SLC16A7: variants seen among roughly 807,000 people sequenced by gnomAD.
SLC16A7 encodes solute carrier family 16 member 7.
A neutral mutation model predicts 34.9 loss-of-function variants in SLC16A7; 33 were observed. The observed-to-expected ratio is 0.94, with a 90% CI of 0.72 to 1.26. The LOEUF (loss-of-function observed/expected upper bound fraction) is 1.26, where lower values mean the gene tolerates loss of function less well. Ranked by LOEUF, SLC16A7 falls within the 50% of genes most tolerant of loss-of-function variation. The probability of loss-of-function intolerance (pLI) is 0.00; values close to 1 mark genes in which losing one functional copy is unlikely to be tolerated. For synonymous variants in SLC16A7, 201 were observed against 206.6 expected, an observed-to-expected ratio of 0.97 and a Z score of 0.23; for missense variants, 573 against 578.1, an observed-to-expected ratio of 0.99 and a Z score of 0.09.
At chr12:59,737,726 C>A (rs1461390241) in intron 3 of SLC16A7, among the ~76,000 whole-genome samples, 1 of 152,164 alleles carries the variant, frequency 6.6e-6, no homozygotes, top group Non-Finnish European at 1.5e-5. Flanking sequence ...CCCTGTTACA[C>A]AATTTTCCCT....
intron 2 of SLC16A7, among the ~76,000 whole-genome samples, chr12:59,655,468 T>A (rs1454101716): frequency 6.6e-6 from 1 of 151,908 alleles, no homozygotes; most frequent in African/African-American, 2.4e-5. Flanking sequence ...AGACTAAGTC[T>A]CAGTTTCTCT....
intron 2 of SLC16A7, among the ~76,000 whole-genome samples, chr12:59,671,250 A>G (rs1337045070): frequency 1.3e-5 from 2 of 152,178 alleles, no homozygotes; most frequent in African/African-American, 2.4e-5. Flanking sequence ...AGAAAACCAC[A>G]TGCTTTATTT....
At chr12:59,651,135 G>A (rs957212111) in intron 1 of SLC16A7, among the ~76,000 whole-genome samples, 13 of 152,062 alleles carry the variant, frequency 8.5e-5, no homozygotes, top group African/African-American at 2.2e-4. Context: ...GCTCCTCTTC[G>A]TGGTTAATTT....
chr12:59,612,367 A>G (rs1879237681), intron 1 of SLC16A7, among the ~76,000 whole-genome samples: 2 of 152,160 alleles, frequency 1.3e-5, no homozygotes, highest in South Asian at 2.1e-4. Flanking sequence ...AGCTGAAGCA[A>G]CTGACACACA....
intron 1 of SLC16A7, among the ~76,000 whole-genome samples, chr12:59,618,597 G>C (rs1017200276): frequency 1.1e-4 from 17 of 152,030 alleles, no homozygotes; most frequent in Admixed American, 1.1e-3. Flanking sequence ...ACTAATTCTT[G>C]TAAAGTAGAA....
At chr12:59,613,816 A>G (rs1373738264) in intron 1 of SLC16A7, among the ~76,000 whole-genome samples, 1 of 152,208 alleles carries the variant, frequency 6.6e-6, no homozygotes, top group Non-Finnish European at 1.5e-5. Flanking sequence ...TACCAAAGCT[A>G]AGAGTCTATG....
intron 2 of SLC16A7, among the ~76,000 whole-genome samples, chr12:59,671,759 ATATG>A (rs1455395062): frequency 7.0e-6 from 1 of 143,652 alleles, no homozygotes; most frequent in Non-Finnish European, 1.5e-5. Flanking sequence ...TATAATGTGT[ATATG>A]TATATATGTG....
At chr12:59,705,536 T>C (rs1008425249) in intron 3 of SLC16A7, among the ~76,000 whole-genome samples, 2 of 152,198 alleles carry the variant, frequency 1.3e-5, no homozygotes, top group Admixed American at 6.6e-5. Context: ...GCTCATTAAA[T>C]AGGACATCTT....
At chr12:59,631,358 G>A (rs1231397442) in intron 1 of SLC16A7, among the ~76,000 whole-genome samples, 1 of 151,924 alleles carries the variant, frequency 6.6e-6, no homozygotes, top group East Asian at 1.9e-4. Flanking sequence ...ACTTGGAACA[G>A]ATGGAGATAT....
chr12:59,615,912 G>C (rs1456784197), intron 1 of SLC16A7, among the ~76,000 whole-genome samples: 1 of 152,212 alleles, frequency 6.6e-6, no homozygotes, highest in Non-Finnish European at 1.5e-5. Flanking sequence ...CCTGGTTCCT[G>C]CTCCATCACT....
chr12:59,757,124 G>A (rs557215057), intron 3 of SLC16A7, among the ~76,000 whole-genome samples: 1 of 107,322 alleles, frequency 9.3e-6, no homozygotes, highest in African/African-American at 3.6e-5. Flanking sequence ...GGGGAGGGGG[G>A]AGGGATAGCT....
intron 3 of SLC16A7, among the ~76,000 whole-genome samples, chr12:59,706,068 C>T (rs1873532543): frequency 6.6e-6 from 1 of 152,064 alleles, no homozygotes; most frequent in South Asian, 2.1e-4. Flanking sequence ...GAAATATATA[C>T]AATAGCTCTC....
At chr12:59,658,716 A>G (rs1214249808) in intron 2 of SLC16A7, among the ~76,000 whole-genome samples, 1 of 151,956 alleles carries the variant, frequency 6.6e-6, no homozygotes, top group African/African-American at 2.4e-5. Context: ...TACATAGACT[A>G]TGGATTGTGT....
chr12:59,676,430 A>AT (rs112098515), intron 2 of SLC16A7, among the ~76,000 whole-genome samples: 5 of 151,156 alleles, frequency 3.3e-5, no homozygotes, highest in Admixed American at 6.6e-5. Context: ...GTAGCTCCTG[A>AT]TTTTTTTTTA....
intron 3 of SLC16A7, among the ~76,000 whole-genome samples, chr12:59,751,540 G>C (rs1238234241): frequency 6.6e-6 from 1 of 152,226 alleles, no homozygotes; most frequent in Non-Finnish European, 1.5e-5. Context: ...AGGCGGCAGC[G>C]AGGCTGGGGG....
chr12:59,730,020 A>T (rs1327072383), intron 3 of SLC16A7, among the ~76,000 whole-genome samples: 1 of 152,194 alleles, frequency 6.6e-6, no homozygotes, highest in African/African-American at 2.4e-5. Context: ...TTCTGTGTCT[A>T]CAAAGAGGTC....
At position 59,771,415 on chromosome 12, in the gene SLC16A7, T is replaced by C. The variant is rs181430482; in HGVS notation, c.361+53T>C. On this transcript the variant is annotated intron_variant, in intron 4 of 5. Transcript: ENST00000547379. ...TTAACTCTTCTGTTATTTTCAAAGCTCTATGAGAAGAATGAACAACAGAAA... is the reference window on the plus strand; with the variant it reads ...TTAACTCTTCTGTTATTTTCAAAGCCCTATGAGAAGAATGAACAACAGAAA... 27 of 1,258,082 alleles carry C rather than the reference T, an allele frequency of 2.1e-5. No individual in the cohort carries two copies. In the Admixed American group the frequency reaches 7.1e-4, roughly 33 times the overall value. 77.9% of individuals were successfully genotyped at this position (1,258,082 alleles called of 1,614,324 possible).
intron 2 of SLC16A7, chr12:59,665,080 C>G (rs1213870720): frequency 1.3e-5 from 2 of 152,040 alleles, no homozygotes; most frequent in Non-Finnish European, 2.9e-5. Context: ...TTTATATATG[C>G]TGGCTAATGT....
At chr12:59,750,665 A>G (rs937977448) in intron 3 of SLC16A7, among the ~76,000 whole-genome samples, 3 of 152,180 alleles carry the variant, frequency 2.0e-5, no homozygotes, top group African/African-American at 7.2e-5. Flanking sequence ...TTCCTCAAGG[A>G]TCTAGAACTA....
Sources: allele counts gnomAD v4.1 joint callset (sites outside exome capture counted in the v4.1 genomes callset), GRCh38; gene constraint gnomAD v4.1.1; transcripts MANE v1.5; gene names NCBI Gene and HGNC (gene_info 2026-07-23, HGNC 2026-07-21).